Variants in SPTA1 observed in about 807,000 individuals in gnomAD.
SPTA1 encodes the protein spectrin alpha, erythrocytic 1, also known as spectrin alpha chain, erythrocytic 1.
Under a neutral mutation model 324.7 loss-of-function variants are expected in SPTA1, and 177 were observed. The observed-to-expected ratio is 0.55, with a 90% CI of 0.48 to 0.62. SPTA1 has a LOEUF of 0.62. Ranked by LOEUF, SPTA1 falls within the 20% of genes least tolerant of loss-of-function variation. The pLI, the probability that SPTA1 is intolerant of heterozygous loss-of-function variation, is 0.00. For synonymous variants in SPTA1, 1,195 were observed against 1,041.3 expected (o/e 1.15, Z -2.84); for missense variants, 3,162 against 2,883.6 (o/e 1.10, Z -2.21).
chr1:158,636,629 T>TA lies in SPTA1; in HGVS notation c.5310+11_5310+12insT. ...GATTTCTATATTTTCAGATCTGGTA[T>TA]TCTATTCCTACCTGGATGGCAGGCT... On this transcript the variant is annotated intron_variant, in intron 37 of 51. Transcript: ENST00000643759. 9 of 1,613,986 alleles carry TA rather than the reference T, an allele frequency of 5.6e-6. No homozygotes were observed. Among genetic ancestry groups the TA allele is most frequent in the Non-Finnish European group, 7.6e-6 (9 of 1,179,900 alleles).
rs1196848049 is a variant in SPTA1, at chr1:158,678,529, G to A, written c.684C>T (p.Asn228=). The A allele has an allele frequency of 6.2e-7, 1 of 1,613,162 alleles. No individual in the cohort carries two copies. The highest frequency in any genetic ancestry group is 8.5e-7 in the Non-Finnish European group (1 of 1,179,580). ...ACTGAATTAAGGGTAGGTCAGGATG[G>A]TTTTCCTGTTGAAGGAAAACAACAC... ...NQYANECAEE[N]HPDLPLIQSK... Residue 228 remains asparagine, a synonymous_variant, in exon 6 of 52, where the codon AAC becomes AAT. Transcript: ENST00000643759.
intron 7 of SPTA1, among the ~76,000 whole-genome samples, chr1:158,676,870 G>T (rs149477818): frequency 1.2e-3 from 183 of 152,236 alleles, no homozygotes; most frequent in Non-Finnish European, 1.9e-3. Flanking sequence ...ATCAGATGAT[G>T]TCTAGGGATT....
At chr1:158,674,221 T>G (rs970889916) in intron 10 of SPTA1, 108 bp downstream of exon 10, 1 of 1,160,268 alleles carries the variant, frequency 8.6e-7, no homozygotes, top group African/African-American at 1.5e-5. Context: ...TTAACACGTT[T>G]AAATGACTTC....
chr1:158,617,433 G>A (rs1649624590), intron 47 of SPTA1, 104 bp downstream of exon 47: 2 of 887,172 alleles, frequency 2.3e-6, no homozygotes, highest in African/African-American at 3.3e-5. Flanking sequence ...TGGACTTCAG[G>A]TGATACATAC....
intron 4 of SPTA1, among the ~76,000 whole-genome samples, chr1:158,681,017 A>G (rs886331585): frequency 6.6e-6 from 1 of 152,178 alleles, no homozygotes; most frequent in Non-Finnish European, 1.5e-5. Context: ...GGATAAATTC[A>G]TCCTGTTTCT....
In SPTA1 at chr1:158,685,733, T is replaced by A. The variant is rs1655129511; in HGVS notation, c.25-386A>T. On this transcript the variant is annotated intron_variant, in intron 1 of 51. Transcript: ENST00000643759. ...CTAAAAAGGTGTTGAGAAGTGCTTA[T>A]TATTTTTAACTTAATTTAATAAATA... Among the ~76,000 whole-genome samples, 4 of 152,196 alleles carry A rather than the reference T, an allele frequency of 2.6e-5. No individual in the cohort carries two copies. The South Asian group carries it at 8.3e-4, about 32-fold the overall frequency.
intron 16 of SPTA1, 130 bp downstream of exon 16, chr1:158,666,186 C>T (rs1342366851): frequency 3.8e-6 from 3 of 792,976 alleles, no homozygotes; most frequent in South Asian, 1.5e-5. Context: ...GTGCTCAGAG[C>T]ATATACACCC....
At chr1:158,614,113 C>A in intron 49 of SPTA1, 140 bp downstream of exon 49, 1 of 809,010 alleles carries the variant, frequency 1.2e-6, no homozygotes, top group Non-Finnish European at 2.0e-6. Flanking sequence ...CACAGAAAGC[C>A]ATGACTGGAG....
intron 43 of SPTA1, chr1:158,622,730 T>C: frequency 2.2e-6 from 1 of 453,806 alleles, no homozygotes; most frequent in Non-Finnish European, 4.0e-6. Flanking sequence ...ATCCTCTTGT[T>C]CCATCCACCT....
In SPTA1 at chr1:158,618,039, C is replaced by A; in HGVS notation, c.6548G>T (p.Gly2183Val). 6.2e-7 allele frequency: 1 copy of A among 1,611,344 alleles called. No homozygotes were observed. The highest frequency in any genetic ancestry group is 2.2e-5 in the East Asian group (1 of 44,846). Reference protein sequence around the residue: ...ILETRAYFLDGSLLKETGTLE... With the variant: ...ILETRAYFLDVSLLKETGTLE... ...CATGATGATAACATAAAATACTGAC[C>A]CATCCAGAAAGTAAGCCCTGGACAT... Residue 2183 changes from glycine (G) to valine (V), a missense_variant and splice_region_variant, in exon 46 of 52, where the codon GGA (glycine) becomes GTA (valine). Transcript: ENST00000643759.
chr1:158,656,538 T>A (rs762177400), intron 20 of SPTA1, 26 bp downstream of exon 20: 2 of 1,591,594 alleles, frequency 1.3e-6, no homozygotes, highest in South Asian at 2.2e-5. Context: ...GAAGTGTGAA[T>A]CCTGTCATCG....
At position 158,657,587 on chromosome 1, in the gene SPTA1, C is replaced by T; in HGVS notation, c.2695G>A (p.Val899Ile). ...TCAGCCAGGTACTGCTGGAACTGGA[C>T]ATTGGCTTCAAGATCATTTTGTCGC... ...ARRQNDLEAN[V>I]QFQQYLADLH... The change falls in exon 19 of 52, where the codon GTC (valine) becomes ATC (isoleucine). Residue 899 changes from valine (V) to isoleucine (I), a missense_variant. Val to Ile is a conservative substitution (Grantham distance 29). Transcript: ENST00000643759. 6.2e-7 allele frequency: 1 copy of T among 1,614,106 alleles called. No individual in the cohort carries two copies. The highest frequency in any genetic ancestry group is 8.5e-7 in the Non-Finnish European group (1 of 1,179,998).
At chr1:158,669,842 G>C in intron 12 of SPTA1, 56 bp from the exon 13 acceptor site, 1 of 1,562,860 alleles carries the variant, frequency 6.4e-7, no homozygotes. Flanking sequence ...CTGAGTAAGT[G>C]GCCATAGTTT....
Position 158,686,496 on chromosome 1 carries a change from T to A in SPTA1, c.22A>T (p.Thr8Ser), listed in dbSNP as rs1655189402. The change falls in exon 1 of 52, where the codon ACC becomes TCC. Residue 8 changes from threonine (T) to serine (S), a missense_variant and splice_region_variant. Coordinates refer to ENST00000643759, the MANE Select transcript of SPTA1 (RefSeq NM_003126.4). MEQFPKE[T>S]VVESSGPKVL... is the part of the protein sequence containing the mutation. Reference sequence around the variant, plus strand: ...ATGGAAGAGAAATATGTACTTACGGTTTCCTTTGGAAATTGCTCCATTTTT... The same window carrying A: ...ATGGAAGAGAAATATGTACTTACGGATTCCTTTGGAAATTGCTCCATTTTT... 6 of 1,591,472 alleles carry A rather than the reference T, an allele frequency of 3.8e-6. No individual in the cohort carries two copies. The Admixed American group carries it at 8.4e-5, about 22-fold the overall frequency.
At chr1:158,651,494 A>G in intron 23 of SPTA1, 26 bp from the exon 24 acceptor site, 1 of 1,485,870 alleles carries the variant, frequency 6.7e-7, no homozygotes, top group Non-Finnish European at 9.4e-7. Flanking sequence ...CATCCAAAGC[A>G]GTGTAAATTC....
In SPTA1 at chr1:158,667,894, G is replaced by A. The variant is rs751011795; in HGVS notation, c.2002C>T (p.Leu668Phe). Residue 668 changes from leucine (L) to phenylalanine (F), a missense_variant, in exon 15 of 52, where the codon CTC (leucine) becomes TTC (phenylalanine). Leu to Phe is a conservative substitution (Grantham distance 22). Transcript: ENST00000643759. ...VTTRLSEVAS[L>F]WEELLEATKQ... Reference sequence around the variant, plus strand: ...GTAGCCTCCAGCAACTCCTCCCAGAGGCTGGCAACTTCACTCAGACGAGTG... The same window carrying A: ...GTAGCCTCCAGCAACTCCTCCCAGAAGCTGGCAACTTCACTCAGACGAGTG... The A allele has an allele frequency of 2.5e-6, 4 of 1,613,972 alleles. No homozygotes were observed. Among genetic ancestry groups the A allele is most frequent in the South Asian group, 1.1e-5 (1 of 91,074 alleles).
At chr1:158,613,069 G>A in intron 50 of SPTA1, 108 bp from the exon 51 acceptor site, 2 of 1,240,292 alleles carry the variant, frequency 1.6e-6, no homozygotes, top group South Asian at 2.6e-5. Context: ...GATTCTCCAA[G>A]TGCCTCTTCC....
At position 158,657,473 on chromosome 1, in the gene SPTA1, T is replaced by C. The variant is rs1652909241; in HGVS notation, c.2805+4A>G. The C allele has an allele frequency of 1.4e-4, 128 of 909,264 alleles. No homozygotes were observed. Among genetic ancestry groups the C allele is most frequent in the Non-Finnish European group, 1.9e-4 (111 of 573,766 alleles). 56.3% of individuals were successfully genotyped at this position (909,264 alleles called of 1,614,324 possible). A position where few individuals can be genotyped will look rare whatever the true frequency, so the allele number is the denominator to read the frequency against. On this transcript the variant is annotated splice_donor_region_variant and intron_variant, in intron 19 of 51. Transcript: ENST00000643759. ...TCACAATGTTAAACCCACCCCCACC[T>C]TACCCCAGCTGCTTCTTCATCAGCA...
intron 42 of SPTA1, among the ~76,000 whole-genome samples, chr1:158,623,913 G>A (rs1168958393): frequency 3.9e-5 from 6 of 152,178 alleles, no homozygotes; most frequent in Non-Finnish European, 8.8e-5. Context: ...GATTTGTGTA[G>A]CCTAGTGACT....
Sources: allele counts gnomAD v4.1 joint callset (sites outside exome capture counted in the v4.1 genomes callset), GRCh38; gene constraint gnomAD v4.1.1; transcripts MANE v1.5; gene names NCBI Gene and HGNC (gene_info 2026-07-23, HGNC 2026-07-21).